AFG2A: variants seen among roughly 807,000 people sequenced by gnomAD.
AFG2A encodes the protein AAA ATPase AFG2A, also known as ATPase family gene 2 protein homolog A.
the AFG2A span, among the ~76,000 whole-genome samples, chr4:123,027,969 T>TG: frequency 0.012 from 1 of 82 alleles, no homozygotes; most frequent in African/African-American, 0.036. Flanking sequence ...ACAAGCAGAA[T>TG]TTTTTTTTTT....
chr4:123,314,531 T>C, the AFG2A span: 1 of 152,288 alleles, frequency 6.6e-6, no homozygotes, highest in Admixed American at 6.5e-5. Context: ...GCCAGTAAAA[T>C]GGCCCAATGT....
chr4:123,157,813 A>G, the AFG2A span, among the ~76,000 whole-genome samples: 2 of 152,188 alleles, frequency 1.3e-5, no homozygotes, highest in African/African-American at 4.8e-5. Context: ...CCCCCTCTAT[A>G]AAAGAACAAA....
At chr4:122,948,647 G>C in the AFG2A span, among the ~76,000 whole-genome samples, 1 of 152,094 alleles carries the variant, frequency 6.6e-6, no homozygotes, top group Admixed American at 6.5e-5. Context: ...ATGAAACTTA[G>C]GGCTTATTTG....
chr4:123,311,499 C>T, the AFG2A span, among the ~76,000 whole-genome samples: 4 of 151,804 alleles, frequency 2.6e-5, no homozygotes, highest in Non-Finnish European at 4.4e-5. Flanking sequence ...TGGTGGCACG[C>T]GCCCGTAGTC....
At chr4:123,114,602 G>T in the AFG2A span, among the ~76,000 whole-genome samples, 1 of 152,218 alleles carries the variant, frequency 6.6e-6, no homozygotes, top group African/African-American at 2.4e-5. Context: ...AGATACCCCT[G>T]AGTCTGCTGA....
At chr4:122,925,980 A>G in the AFG2A span, among the ~76,000 whole-genome samples, 1 of 152,230 alleles carries the variant, frequency 6.6e-6, no homozygotes. Flanking sequence ...TAAATGTGAA[A>G]GTAGTTAATG....
the AFG2A span, among the ~76,000 whole-genome samples, chr4:123,038,945 A>T: frequency 6.6e-6 from 1 of 152,218 alleles, no homozygotes; most frequent in Admixed American, 6.5e-5. Context: ...TCACATTTTC[A>T]AACAAAGTAT....
the AFG2A span, among the ~76,000 whole-genome samples, chr4:123,272,585 G>A: frequency 1.3e-5 from 2 of 152,162 alleles, no homozygotes; most frequent in African/African-American, 2.4e-5. Context: ...TACAACCAAA[G>A]GAGGGACATT....
the AFG2A span, among the ~76,000 whole-genome samples, chr4:123,096,450 G>T: frequency 6.6e-6 from 1 of 152,012 alleles, no homozygotes; most frequent in East Asian, 1.9e-4. Context: ...GTTAACAACT[G>T]CTGTGTGGCC....
chr4:123,249,822 G>A, the AFG2A span, among the ~76,000 whole-genome samples: 1 of 152,150 alleles, frequency 6.6e-6, no homozygotes, highest in Non-Finnish European at 1.5e-5. Context: ...AGAGATTTAA[G>A]TAGTGTTAGC....
At chr4:123,003,618 T>C in the AFG2A span, among the ~76,000 whole-genome samples, 150,791 of 152,244 alleles carry the variant, frequency 0.99, 74,680 homozygotes, top group East Asian at 1. Context: ...TGCAGAACCG[T>C]GCATTTTCAT....
chr4:123,029,306 T>G, the AFG2A span, among the ~76,000 whole-genome samples: 2 of 152,134 alleles, frequency 1.3e-5, no homozygotes, highest in Non-Finnish European at 2.9e-5. Context: ...TCTCCTGACC[T>G]CATGATCCGC....
the AFG2A span, among the ~76,000 whole-genome samples, chr4:123,032,493 A>G: frequency 5.9e-5 from 9 of 152,154 alleles, no homozygotes; most frequent in Non-Finnish European, 1.3e-4. Context: ...CCCGGGTTCA[A>G]GCAATTCTCT....
the AFG2A span, among the ~76,000 whole-genome samples, chr4:123,108,567 A>G: frequency 1.3e-5 from 2 of 152,182 alleles, no homozygotes; most frequent in African/African-American, 2.4e-5. Context: ...ATATTTGATG[A>G]CAGACTTAGT....
the AFG2A span, among the ~76,000 whole-genome samples, chr4:123,031,068 G>T: frequency 6.6e-6 from 1 of 152,222 alleles, no homozygotes; most frequent in South Asian, 2.1e-4. Context: ...CATCTATTCA[G>T]TGTTTGTGAG....
At chr4:122,987,432 G>C in the AFG2A span, among the ~76,000 whole-genome samples, 1 of 151,970 alleles carries the variant, frequency 6.6e-6, no homozygotes, top group Admixed American at 6.5e-5. Context: ...AGTAATTATT[G>C]ATAGGTAAGG....
chr4:123,293,427 T>G, the AFG2A span, among the ~76,000 whole-genome samples: 1 of 152,132 alleles, frequency 6.6e-6, no homozygotes, highest in Admixed American at 6.5e-5. Context: ...GGTGCTCCCT[T>G]GATATGGTAC....
the AFG2A span, among the ~76,000 whole-genome samples, chr4:122,952,767 G>T: frequency 6.6e-6 from 1 of 152,172 alleles, no homozygotes; most frequent in Non-Finnish European, 1.5e-5. Flanking sequence ...AAAGTCTATT[G>T]TTCTTCCCAG....
chr4:123,318,412 A>G, the AFG2A span: 3 of 152,206 alleles, frequency 2.0e-5, no homozygotes, highest in Non-Finnish European at 4.4e-5. Context: ...TTAGTCTCTC[A>G]TAAGCCAATT....
Sources: gnomAD v4.1 joint callset for allele counts (sites outside exome capture counted in the v4.1 genomes callset) on GRCh38, gnomAD v4.1.1 for gene constraint, MANE v1.5 for transcripts, NCBI Gene and HGNC (gene_info 2026-07-23, HGNC 2026-07-21) for gene names.